CEP85L: variants seen among roughly 807,000 people sequenced by gnomAD.
The protein encoded by CEP85L is centrosomal protein 85L.
A neutral mutation model predicts 100.3 loss-of-function variants in CEP85L; 60 were observed. That is an observed-to-expected ratio of 0.60 (90% CI 0.49 to 0.74). The LOEUF (loss-of-function observed/expected upper bound fraction) is 0.74. Among genes scored for constraint, CEP85L ranks in the 30% least tolerant of loss-of-function variants. The pLI, the probability that CEP85L is intolerant of heterozygous loss-of-function variation, is 0.00. For synonymous variants in CEP85L, 319 were observed against 322.7 expected, an observed-to-expected ratio of 0.99 and a Z score of 0.12; for missense variants, 973 against 936.2, an observed-to-expected ratio of 1.04 and a Z score of -0.51.
chr6:118,596,211 ACAT>A (rs143009837), intron 2 of CEP85L, among the ~76,000 whole-genome samples: 4,116 of 152,262 alleles, frequency 0.027, 189 homozygotes, highest in African/African-American at 0.093. Flanking sequence ...AGGATAAAAA[ACAT>A]ATCTGCTTGA....
At chr6:118,684,492 A>G (rs1432005399) in intron 1 of CEP85L, among the ~76,000 whole-genome samples, 4 of 152,230 alleles carry the variant, frequency 2.6e-5, no homozygotes, top group Non-Finnish European at 5.9e-5. Context: ...CCTAGGCAAC[A>G]GAGCCCGACC....
intron 1 of CEP85L, among the ~76,000 whole-genome samples, chr6:118,704,968 T>C (rs973099453): frequency 6.6e-6 from 1 of 152,164 alleles, no homozygotes; most frequent in African/African-American, 2.4e-5. Context: ...TCATGCTTTT[T>C]CCCTGACTTT....
intron 2 of CEP85L, among the ~76,000 whole-genome samples, chr6:118,600,237 T>C (rs756899505): frequency 1.4e-5 from 2 of 146,592 alleles, no homozygotes; most frequent in Non-Finnish European, 3.0e-5. Context: ...AGAAGAAAAT[T>C]TGTTACTATA....
At chr6:118,631,008 C>T (rs962729445) in intron 2 of CEP85L, among the ~76,000 whole-genome samples, 2 of 152,232 alleles carry the variant, frequency 1.3e-5, no homozygotes, top group African/African-American at 2.4e-5. Flanking sequence ...AACTATCTTC[C>T]ACCAAACCAG....
chr6:118,681,517 A>G (rs1776658487), intron 1 of CEP85L, among the ~76,000 whole-genome samples: 1 of 152,140 alleles, frequency 6.6e-6, no homozygotes, highest in East Asian at 1.9e-4. Flanking sequence ...TTTGAAGAAC[A>G]CTTAACAGAT....
At chr6:118,682,771 GCACACACACA>G (rs201043236) in intron 1 of CEP85L, among the ~76,000 whole-genome samples, 221 of 138,166 alleles carry the variant, frequency 1.6e-3, no homozygotes, top group East Asian at 3.2e-3. Context: ...GCCTGAGCAT[GCACACACACA>G]CACACACACA....
At chr6:118,640,421 A>T (rs1583210962) in intron 1 of CEP85L, among the ~76,000 whole-genome samples, 1 of 152,102 alleles carries the variant, frequency 6.6e-6, no homozygotes, top group East Asian at 1.9e-4. Context: ...AAATCACTTA[A>T]CCTCTCTGTG....
Position 118,621,558 on chromosome 6 carries a change from C to T in CEP85L, c.232+10895G>A, listed in dbSNP as rs374472960. ...GTCCAGGCACTCTAGTCCTCCAATA[C>T]GCAGATGACTTACTTTGGGCTACCA... is the stretch of plus-strand genomic sequence containing the variant. On this transcript the variant is annotated intron_variant, in intron 2 of 12. Coordinates refer to ENST00000368491, the MANE Select transcript of CEP85L (RefSeq NM_001042475.3). 3.9e-5 allele frequency among the ~76,000 whole-genome samples: 6 copies of T among 152,164 alleles called. No individual in the cohort carries two copies. In the East Asian group the frequency reaches 7.7e-4, roughly 20 times the overall value.
At chr6:118,511,874 GA>G (rs754385667) in intron 4 of CEP85L, among the ~76,000 whole-genome samples, 66 of 150,482 alleles carry the variant, frequency 4.4e-4, no homozygotes, top group Middle Eastern at 3.5e-3. Flanking sequence ...TAACCTTTAA[GA>G]AAATCCACAT....
At chr6:118,485,231 C>T (rs1774092573) in intron 6 of CEP85L, among the ~76,000 whole-genome samples, 1 of 152,102 alleles carries the variant, frequency 6.6e-6, no homozygotes, top group Non-Finnish European at 1.5e-5. Context: ...TCAAAACTTA[C>T]AGGGTTCTAA....
intron 5 of CEP85L, among the ~76,000 whole-genome samples, chr6:118,500,004 T>C (rs1035538139): frequency 5.3e-5 from 8 of 152,018 alleles, no homozygotes; most frequent in African/African-American, 1.4e-4. Context: ...AAAGAATCCA[T>C]ACAAAAAAAC....
intron 3 of CEP85L, among the ~76,000 whole-genome samples, chr6:118,563,149 T>C (rs1321859798): frequency 2.0e-5 from 3 of 152,206 alleles, no homozygotes; most frequent in African/African-American, 7.2e-5. Context: ...TGGAGCCTTC[T>C]GTCATAAACC....
At chr6:118,486,149 T>C (rs2114568898) in intron 6 of CEP85L, among the ~76,000 whole-genome samples, 1 of 152,332 alleles carries the variant, frequency 6.6e-6, no homozygotes, top group South Asian at 2.1e-4. Context: ...TTTTTCAGCC[T>C]GCTCACAGAT....
rs189029280 is a variant in CEP85L, at chr6:118,681,869, T to C, written c.-28+28167A>G. ...GATTCTCCTGCCTCAGCCTCCCGAG[T>C]AGCTGGAATTACAGGCATGCCACCA... On this transcript the variant is annotated intron_variant, in intron 1 of 13. Coordinates refer to the CEP85L transcript ENST00000368488. Among the ~76,000 whole-genome samples, 5 of 151,820 alleles carry C rather than the reference T, an allele frequency of 3.3e-5. No homozygotes were observed. In the East Asian group the frequency reaches 9.7e-4, roughly 30 times the overall value.
intron 2 of CEP85L, among the ~76,000 whole-genome samples, chr6:118,625,728 A>G (rs1390471353): frequency 6.6e-6 from 1 of 151,920 alleles, no homozygotes; most frequent in Non-Finnish European, 1.5e-5. Context: ...GTGAACTCCA[A>G]CTCTCAGGAC....
intron 2 of CEP85L, among the ~76,000 whole-genome samples, chr6:118,594,105 A>G (rs1370272494): frequency 6.6e-6 from 1 of 152,122 alleles, no homozygotes; most frequent in Non-Finnish European, 1.5e-5. Context: ...CTTCTCCTCT[A>G]GACTTCATAT....
intron 3 of CEP85L, among the ~76,000 whole-genome samples, chr6:118,546,274 TCA>T (rs1778195915): frequency 6.6e-6 from 1 of 152,168 alleles, no homozygotes; most frequent in South Asian, 2.1e-4. Flanking sequence ...TCCAACTGTG[TCA>T]CACACAGTTG....
intron 3 of CEP85L, among the ~76,000 whole-genome samples, chr6:118,551,627 T>G (rs1040551389): frequency 6.6e-6 from 1 of 152,058 alleles, no homozygotes; most frequent in Non-Finnish European, 1.5e-5. Context: ...TGTGCTGTTG[T>G]TTAATGAATT....
chr6:118,603,705 GGATA>G (rs760383413), intron 2 of CEP85L, among the ~76,000 whole-genome samples: 3 of 152,184 alleles, frequency 2.0e-5, no homozygotes, highest in Non-Finnish European at 4.4e-5. Flanking sequence ...ATCTTCTGTT[GGATA>G]GTTATGAACA....
Sources: gnomAD v4.1 joint callset for allele counts (sites outside exome capture counted in the v4.1 genomes callset) on GRCh38, gnomAD v4.1.1 for gene constraint, MANE v1.5 for transcripts, NCBI Gene and HGNC (gene_info 2026-07-23, HGNC 2026-07-21) for gene names.